The following SLC34A3 variants were observed in gnomAD, a reference collection of about 807,000 sequenced individuals.
The protein encoded by SLC34A3 is solute carrier family 34 member 3.
A neutral mutation model predicts 43.9 loss-of-function variants in SLC34A3; 60 were observed. That is an observed-to-expected ratio of 1.37 (90% CI 1.11 to 1.70). SLC34A3 has a LOEUF of 1.70. Ranked by LOEUF, SLC34A3 falls within the 40% of genes most tolerant of loss-of-function variation. The probability of loss-of-function intolerance (pLI) is 0.00; values close to 1 mark genes in which losing one functional copy is unlikely to be tolerated. For missense variants in SLC34A3, 969 were observed against 823.8 expected (o/e 1.18, Z -2.16); for synonymous variants, 451 against 386.2 (o/e 1.17, Z -1.97).
chr9:137,231,712 T>TCCCTTCCCGGCAGCCAGGTC lies in SLC34A3; in HGVS notation c.14_33dup (p.His12PhefsTer16). ...TCCCTGCCCGAAATCCATGCCGAGT[T>TCCCTTCCCGGCAGCCAGGTC]CCCTTCCCGGCAGCCAGGTCCCCCA... On this transcript the variant is annotated frameshift_variant, in exon 2 of 13. Coordinates refer to ENST00000673835, the MANE Select transcript of SLC34A3 (RefSeq NM_001177316.2). LOFTEE classifies it high-confidence loss of function. The TCCCTTCCCGGCAGCCAGGTC allele has an allele frequency of 6.2e-7, 1 of 1,612,854 alleles. No individual in the cohort carries two copies. The highest frequency in any genetic ancestry group is 8.5e-7 in the Non-Finnish European group (1 of 1,179,860).
intron 3 of SLC34A3, 90 bp from the exon 4 acceptor site, chr9:137,232,485 G>A: frequency 2.6e-6 from 4 of 1,556,924 alleles, no homozygotes; most frequent in Non-Finnish European, 3.5e-6. Flanking sequence ...GTTGGAGACA[G>A]AGGAGAGAGG....
chr9:137,235,878 G>T, intron 12 of SLC34A3, 74 bp from the exon 13 acceptor site: 2 of 1,326,122 alleles, frequency 1.5e-6, no homozygotes, highest in South Asian at 2.4e-5. Context: ...TAGGGTGGAG[G>T]AGGGCAGGGG....
intron 8 of SLC34A3, 57 bp downstream of exon 8, chr9:137,233,779 T>TTGGGCGCC: frequency 6.2e-6 from 9 of 1,445,766 alleles, no homozygotes; most frequent in Non-Finnish European, 8.6e-6. Context: ...TGCTGAGTCA[T>TTGGGCGCC]CCCGCCCCAC....
At chr9:137,231,989 C>G in intron 2 of SLC34A3, 83 bp from the exon 3 acceptor site, 1 of 1,379,200 alleles carries the variant, frequency 7.3e-7, no homozygotes, top group Admixed American at 1.7e-5. Flanking sequence ...TACGCCTCAG[C>G]CCGTCCTCCG....
intron 12 of SLC34A3, among the ~76,000 whole-genome samples, chr9:137,235,024 C>T (rs1836503586): frequency 1.3e-5 from 2 of 152,180 alleles, no homozygotes; most frequent in Admixed American, 1.3e-4. Flanking sequence ...GGGCTCTAAG[C>T]CCCTCTATTC....
rs368153798 is a variant in SLC34A3 at position 137,233,713 on chromosome 9, G to A, written c.837G>A (p.Thr279=). 1.6e-4 allele frequency: 250 copies of A among 1,612,494 alleles called. No homozygotes were observed. The highest frequency in any genetic ancestry group is 8.4e-4 in the African/African-American group (63 of 74,982). Reference sequence around the variant, plus strand: ...TCATTAAGCACTGGTGCGGCACCACGGGGCAGCCGGTGAGGCACCCAACCC... The same window carrying A: ...TCATTAAGCACTGGTGCGGCACCACAGGGCAGCCGGTGAGGCACCCAACCC... The part of the protein sequence containing the change: ...SSLIKHWCGT[T]GQPTQENSSC... Residue 279 remains threonine (T), a synonymous_variant, in exon 8 of 13, where the codon ACG becomes ACA. Transcript: ENST00000673835.
upstream of SLC34A3, among the ~76,000 whole-genome samples, chr9:137,230,057 A>C (rs555055281): frequency 6.6e-6 from 1 of 152,276 alleles, no homozygotes; most frequent in South Asian, 2.1e-4. Flanking sequence ...CCCCATGCAC[A>C]CAGCGGGGGC....
chr9:137,232,259 G>T, intron 3 of SLC34A3, 98 bp downstream of exon 3: 1 of 1,213,910 alleles, frequency 8.2e-7, no homozygotes, highest in Non-Finnish European at 1.2e-6. Flanking sequence ...AACAGGCTGT[G>T]TGTGGGGAAC....
In SLC34A3 at chr9:137,233,392, C is replaced by A. The variant is rs776868643; in HGVS notation, c.744C>A (p.His248Gln). 7.5e-6 allele frequency: 12 copies of A among 1,604,124 alleles called. No individual in the cohort carries two copies. The highest frequency in any genetic ancestry group is 8.5e-6 in the Non-Finnish European group (10 of 1,177,084). ...ILKVLTKPLTHLIVQLDSDMI... is the reference protein window; with the variant it reads ...ILKVLTKPLTQLIVQLDSDMI... ...AGGTGCTGACGAAGCCGCTCACACA[C>A]CTCATCGTGCAGGTGAGGACGGCCA... The change falls in exon 7 of 13, where the codon CAC becomes CAA. Residue 248 changes from histidine to glutamine, a missense_variant. Transcript: ENST00000673835.
intron 7 of SLC34A3, 22 bp downstream of exon 7, chr9:137,233,426 G>A (rs771171990): frequency 3.9e-5 from 62 of 1,590,172 alleles, no homozygotes; most frequent in African/African-American, 6.7e-5. Context: ...CACCGCCCCC[G>A]CCCAGAGAGC....
Position 137,234,811 on chromosome 9 carries a change from G to A in SLC34A3, c.1335+80G>A. ...AGACAGGAGTGTGTCACCAGCCCCG[G>A]GGCCCTAGGCTGGCTGTGCCCCCGC... On this transcript the variant is annotated intron_variant, in intron 12 of 12. Coordinates refer to ENST00000673835, the MANE Select transcript of SLC34A3 (RefSeq NM_001177316.2). The surrounding 1 kb of genome is among the most constrained non-coding windows in gnomAD (Gnocchi z 6.9). 6.3e-7 allele frequency: 1 copy of A among 1,593,000 alleles called. No homozygotes were observed. The highest frequency in any genetic ancestry group is 8.5e-7 in the Non-Finnish European group (1 of 1,176,424).
At chr9:137,235,874 G>T in intron 12 of SLC34A3, 78 bp from the exon 13 acceptor site, 1 of 1,285,120 alleles carries the variant, frequency 7.8e-7, no homozygotes, top group Non-Finnish European at 1.1e-6. Context: ...TCTGTAGGGT[G>T]GAGGAGGGCA....
At position 137,234,702 on chromosome 9, in the gene SLC34A3, C is replaced by A; in HGVS notation, c.1306C>A (p.Pro436Thr). The A allele has an allele frequency of 6.2e-7, 1 of 1,611,658 alleles. No individual in the cohort carries two copies. The highest frequency in any genetic ancestry group is 1.1e-5 in the South Asian group (1 of 91,080). The change falls in exon 12 of 13, where the codon CCC (proline) becomes ACC (threonine). Residue 436 changes from proline to threonine, a missense_variant. Physicochemically the swap from Pro to Thr is conservative, Grantham distance 38 (BLOSUM62 -1). Transcript: ENST00000673835. This position sits in a 1 kb window ranked among gnomAD's most constrained non-coding sequence, Gnocchi z 6.9. ...TTALLAALASPADRMLSALQV... is the reference protein window; with the variant it reads ...TTALLAALASTADRMLSALQV... The stretch of plus-strand genomic sequence containing the variant: ...AGCCCTGCTGGCTGCCCTGGCCAGC[C>A]CCGCAGACAGGATGCTCAGCGCCCT...
Position 137,233,086 on chromosome 9 carries a change from G to T in SLC34A3, c.531G>T (p.Ala177=), listed in dbSNP as rs781706240. The T allele has an allele frequency of 6.2e-7, 1 of 1,610,782 alleles. No homozygotes were observed. Among genetic ancestry groups the T allele is most frequent in the South Asian group, 1.1e-5 (1 of 90,962 alleles). Residue 177 remains alanine, a synonymous_variant, in exon 6 of 13, where the codon GCG becomes GCT. Transcript: ENST00000673835. ...TSITSTLVSM[A]QSGDRDEFQR... ...TCACCAGCACCCTGGTCTCAATGGC[G>T]CAGTCAGGGGACCGGGATGAATTTC...
chr9:137,234,204 C>T lies in SLC34A3; in HGVS notation c.1021C>T (p.Leu341Phe). The T allele has an allele frequency of 6.2e-7, 1 of 1,607,640 alleles. No homozygotes were observed. The highest frequency in any genetic ancestry group is 8.5e-7 in the Non-Finnish European group (1 of 1,178,456). The change falls in exon 10 of 13, where the codon CTC becomes TTC. Residue 341 changes from leucine (L) to phenylalanine (F), a missense_variant. Leu to Phe is a conservative substitution (Grantham distance 22). Coordinates refer to ENST00000673835, the MANE Select transcript of SLC34A3 (RefSeq NM_001177316.2). The surrounding 1 kb of genome is among the most constrained non-coding windows in gnomAD (Gnocchi z 6.9). ...SLLVLCGCLV[L>F]IVKLLNSVLR... Reference sequence around the variant, plus strand: ...GCTGGTGCTCTGCGGCTGCCTGGTCCTCATAGTCAAGCTGCTCAACTCTGT... The same window carrying T: ...GCTGGTGCTCTGCGGCTGCCTGGTCTTCATAGTCAAGCTGCTCAACTCTGT...
At position 137,236,499 on chromosome 9, in the gene SLC34A3, C is replaced by G. The variant is rs1588853936; in HGVS notation, c.*83C>G. The G allele has an allele frequency of 8.3e-7, 1 of 1,200,832 alleles. No individual in the cohort carries two copies. Among genetic ancestry groups the G allele is most frequent in the Non-Finnish European group, 1.2e-6 (1 of 842,830 alleles). 74.4% of individuals were successfully genotyped at this position (1,200,832 alleles called of 1,614,324 possible). On this transcript the variant is annotated 3_prime_UTR_variant, in exon 13 of 13. Coordinates refer to ENST00000673835, the MANE Select transcript of SLC34A3 (RefSeq NM_001177316.2). Reference sequence around the variant, plus strand: ...CCTGGAGGGGGGGTCCCCGCGGCAGCTGACCTCCGGTCACCTGCTTCCCCT... The same window carrying G: ...CCTGGAGGGGGGGTCCCCGCGGCAGGTGACCTCCGGTCACCTGCTTCCCCT...
At position 137,233,061 on chromosome 9, in the gene SLC34A3, T is replaced by C; in HGVS notation, c.506T>C (p.Ile169Thr). 6.2e-7 allele frequency: 1 copy of C among 1,607,828 alleles called. No homozygotes were observed. The highest frequency in any genetic ancestry group is 8.5e-7 in the Non-Finnish European group (1 of 1,177,644). ...ATGGGTGTCAACGTAGGCACATCCA[T>C]CACCAGCACCCTGGTCTCAATGGCG... ...IIMGVNVGTSITSTLVSMAQS... is the reference protein window; with the variant it reads ...IIMGVNVGTSTTSTLVSMAQS... The change falls in exon 6 of 13, where the codon ATC (isoleucine) becomes ACC (threonine). Residue 169 changes from isoleucine (I) to threonine (T), a missense_variant. Transcript: ENST00000673835.
chr9:137,230,504 C>T (rs1176591641), upstream of SLC34A3, among the ~76,000 whole-genome samples: 6 of 152,216 alleles, frequency 3.9e-5, no homozygotes, highest in Admixed American at 6.5e-5. Context: ...GTCTGGGGAG[C>T]CCTGAGGTGC....
rs376700316 is a variant in SLC34A3, at chr9:137,236,381, G to A, written c.1765G>A (p.Glu589Lys). ...CACCACCAAAGAGGCCTACTGCTAC[G>A]AGAACCCTGAGATCTTGGCCTCCCA... ...KATTKEAYCYENPEILASQQL is the reference protein window; with the variant it reads ...KATTKEAYCYKNPEILASQQL The change falls in exon 13 of 13, where the codon GAG becomes AAG. Residue 589 changes from glutamate (E) to lysine (K), a missense_variant. By Grantham distance (56) the Glu-to-Lys change is moderately conservative (BLOSUM62 1). Transcript: ENST00000673835. 2.0e-4 allele frequency: 307 copies of A among 1,538,556 alleles called. 1 individual carries two copies. In the Middle Eastern group the frequency reaches 2.0e-3, roughly 10 times the overall value.
Sources: gnomAD v4.1 joint callset for allele counts (sites outside exome capture counted in the v4.1 genomes callset) on GRCh38, gnomAD v4.1.1 for gene constraint, Gnocchi (gnomAD v3.1) non-coding constraint, MANE v1.5 for transcripts, NCBI Gene and HGNC (gene_info 2026-07-23, HGNC 2026-07-21) for gene names.